COLEC11: variants seen among roughly 807,000 people sequenced by gnomAD.
The protein encoded by COLEC11 is collectin-11.
In COLEC11, 20 loss-of-function variants were observed where a neutral mutation model predicts 27.3. The observed-to-expected ratio is 0.73, with a 90% CI of 0.51 to 1.06. The LOEUF is 1.06. COLEC11 is among the 50% of genes least tolerant of loss of function. COLEC11 has a pLI of 0.00. For missense variants in COLEC11, 310 were observed against 383.0 expected, an observed-to-expected ratio of 0.81 and a Z score of 1.59; for synonymous variants, 163 against 154.7, an observed-to-expected ratio of 1.05 and a Z score of -0.40.
intron 3 of COLEC11, among the ~76,000 whole-genome samples, chr2:3,634,717 G>A (rs1311422161): frequency 6.6e-6 from 1 of 152,164 alleles, no homozygotes; most frequent in African/African-American, 2.4e-5. Flanking sequence ...GGCTCCAGCA[G>A]GCGCTGGACT....
At position 3,644,143 on chromosome 2, in the gene COLEC11, G is replaced by C. The variant is rs761153465; in HGVS notation, c.*25G>C. ...AGCCTCAGGCTGGGGCTGCCCATTG[G>C]GGGCCCCACATGTCCCTGCAGGGTT... On this transcript the variant is annotated 3_prime_UTR_variant, in exon 7 of 7. Coordinates refer to ENST00000349077, the MANE Select transcript of COLEC11 (RefSeq NM_024027.5). 6.2e-7 allele frequency: 1 copy of C among 1,603,580 alleles called. No homozygotes were observed. The highest frequency in any genetic ancestry group is 1.1e-5 in the South Asian group (1 of 91,066).
intron 3 of COLEC11, among the ~76,000 whole-genome samples, chr2:3,615,633 A>G (rs538316097): frequency 0.024 from 3,619 of 152,304 alleles, 153 homozygotes; most frequent in African/African-American, 0.08. Flanking sequence ...ATCATGGCCC[A>G]TTCTCAATGA....
chr2:3,625,625 C>CTTTTTTTTTTT lies in COLEC11; in HGVS notation c.203-11899_203-11889dup, dbSNP rs60222284. ...GGAAAGTTTCTTTTCTTCTTTTTTA[C>CTTTTTTTTTTT]TTTTTTTTTTTTTTTTTTTGAGACA... is the stretch of plus-strand genomic sequence containing the variant. On this transcript the variant is annotated intron_variant, in intron 3 of 6. Transcript: ENST00000349077. 1.7e-3 allele frequency among the ~76,000 whole-genome samples: 151 copies of CTTTTTTTTTTT among 91,446 alleles called. 13 individuals carry two copies. The highest frequency in any genetic ancestry group is 3.3e-3 in the African/African-American group (69 of 20,850). The allele number at this position is 91,446 out of a possible 152,430, so 60.0% of individuals were successfully genotyped here.
rs1558524172 is a variant in COLEC11, at chr2:3,643,926, G to A, written c.624G>A (p.Leu208=). 6.2e-7 allele frequency: 1 copy of A among 1,614,144 alleles called. No homozygotes were observed. The highest frequency in any genetic ancestry group is 1.3e-5 in the African/African-American group (1 of 75,080). Residue 208 remains leucine, a synonymous_variant, in exon 7 of 7, where the codon CTG becomes CTA. Coordinates refer to ENST00000349077, the MANE Select transcript of COLEC11 (RefSeq NM_024027.5). ...LARVFIGIND[L]EKEGAFVYSD... Reference sequence around the variant, plus strand: ...GTGTCTTCATCGGCATCAACGACCTGGAGAAGGAGGGCGCCTTCGTGTACT... The same window carrying A: ...GTGTCTTCATCGGCATCAACGACCTAGAGAAGGAGGGCGCCTTCGTGTACT...
At chr2:3,624,970 A>G (rs34001594) in intron 3 of COLEC11, among the ~76,000 whole-genome samples, 32,669 of 152,148 alleles carry the variant, frequency 0.21, 4,365 homozygotes, top group Admixed American at 0.39. Flanking sequence ...TATAGTAGTT[A>G]TTCCTAAGTA....
chr2:3,616,119 C>T (rs567965423), intron 3 of COLEC11, among the ~76,000 whole-genome samples: 55 of 146,994 alleles, frequency 3.7e-4, no homozygotes, highest in South Asian at 1.1e-3. Context: ...AGATACCACA[C>T]GGGGTCGTGG....
At chr2:3,623,120 C>T (rs1664296039) in intron 3 of COLEC11, among the ~76,000 whole-genome samples, 1 of 152,132 alleles carries the variant, frequency 6.6e-6, no homozygotes, top group Non-Finnish European at 1.5e-5. Flanking sequence ...CCCACTTTCT[C>T]CTGGCCTGCA....
At chr2:3,630,359 C>G (rs1262411011) in intron 3 of COLEC11, among the ~76,000 whole-genome samples, 6 of 152,182 alleles carry the variant, frequency 3.9e-5, no homozygotes, top group East Asian at 1.9e-4. Flanking sequence ...AATAAAAATA[C>G]AAATATAAAC....
chr2:3,616,364 G>A (rs1480166861), intron 3 of COLEC11, among the ~76,000 whole-genome samples: 3 of 151,840 alleles, frequency 2.0e-5, no homozygotes, highest in South Asian at 2.1e-4. Flanking sequence ...GGTGGCGGCC[G>A]GGCAGAGGCT....
At chr2:3,618,166 T>G (rs986608415) in intron 3 of COLEC11, among the ~76,000 whole-genome samples, 2 of 152,256 alleles carry the variant, frequency 1.3e-5, no homozygotes, top group East Asian at 3.8e-4. Flanking sequence ...TTGATTGCTT[T>G]CTTTGCTATG....
intron 3 of COLEC11, among the ~76,000 whole-genome samples, chr2:3,634,467 TG>T (rs1387041435): frequency 6.6e-6 from 1 of 152,214 alleles, no homozygotes; most frequent in Non-Finnish European, 1.5e-5. Context: ...TGCCTCCTCC[TG>T]CAGCAAAGCA....
chr2:3,637,575 A>G lies in COLEC11; in HGVS notation c.245A>G (p.His82Arg). The change falls in exon 4 of 7, where the codon CAT (histidine) becomes CGT (arginine). Residue 82 changes from histidine to arginine, a missense_variant. His to Arg is a conservative substitution (Grantham distance 29). Coordinates refer to ENST00000349077, the MANE Select transcript of COLEC11 (RefSeq NM_024027.5). ...GGACAGAAAGGCAGTGTGGGTCGTCATGGAAAAATTGGTCCCATTGGCTCT... is the reference window on the plus strand; with the variant it reads ...GGACAGAAAGGCAGTGTGGGTCGTCGTGGAAAAATTGGTCCCATTGGCTCT... ...DKGQKGSVGR[H>R]GKIGPIGSKG... 6.2e-7 allele frequency: 1 copy of G among 1,614,180 alleles called. No homozygotes were observed. Among genetic ancestry groups the G allele is most frequent in the Non-Finnish European group, 8.5e-7 (1 of 1,180,020 alleles).
At chr2:3,639,261 C>G (rs948582428) in intron 4 of COLEC11, among the ~76,000 whole-genome samples, 1 of 152,244 alleles carries the variant, frequency 6.6e-6, no homozygotes, top group Admixed American at 6.5e-5. Flanking sequence ...CGCCACATTG[C>G]GTATTGACTC....
intron 3 of COLEC11, among the ~76,000 whole-genome samples, chr2:3,618,167 C>A (rs1206357059): frequency 6.6e-6 from 1 of 152,116 alleles, no homozygotes; most frequent in African/African-American, 2.4e-5. Context: ...TGATTGCTTT[C>A]TTTGCTATGC....
chr2:3,604,350 A>G lies in COLEC11; in HGVS notation c.10A>G (p.Asn4Asp), dbSNP rs1299334460. 1.9e-6 allele frequency: 3 copies of G among 1,613,926 alleles called. No homozygotes were observed. The highest frequency in any genetic ancestry group is 2.5e-6 in the Non-Finnish European group (3 of 1,180,014). The change falls in exon 2 of 7, where the codon AAT (asparagine) becomes GAT (aspartate). Residue 4 changes from asparagine (N) to aspartate (D), a missense_variant. Physicochemically the swap from Asn to Asp is conservative, Grantham distance 23. Coordinates refer to ENST00000349077, the MANE Select transcript of COLEC11 (RefSeq NM_024027.5). ...CCTGCCTGCGCTCAGGATGAGGGGG[A>G]ATCTGGCCCTGGTGGGCGTTCTAAT... MRG[N>D]LALVGVLISL...
chr2:3,603,517 A>G, intron 1 of COLEC11: 1 of 796,242 alleles, frequency 1.3e-6, no homozygotes, highest in Non-Finnish European at 2.1e-6. Flanking sequence ...CGGTTTCACC[A>G]TGTTGTCCAG....
intron 3 of COLEC11, among the ~76,000 whole-genome samples, chr2:3,621,192 T>C (rs896230938): frequency 6.6e-5 from 10 of 152,238 alleles, no homozygotes; most frequent in Non-Finnish European, 1.3e-4. Flanking sequence ...GCTTTACATA[T>C]TTAGGTGCTC....
intron 2 of COLEC11, chr2:3,606,025 T>G: frequency 6.5e-7 from 1 of 1,529,366 alleles, no homozygotes; most frequent in African/African-American, 1.4e-5. Flanking sequence ...GGAAGCAACT[T>G]AAACTGTTGG....
chr2:3,643,575 A>G, intron 6 of COLEC11, 36 bp downstream of exon 6: 1 of 1,600,040 alleles, frequency 6.2e-7, no homozygotes, highest in African/African-American at 1.3e-5. Flanking sequence ...GCTCCCTCCC[A>G]CCTCCCAGCC....
Sources: allele counts gnomAD v4.1 joint callset (sites outside exome capture counted in the v4.1 genomes callset), GRCh38; gene constraint gnomAD v4.1.1; transcripts MANE v1.5; gene names NCBI Gene and HGNC (gene_info 2026-07-23, HGNC 2026-07-21).